Variants in PTPRG observed in about 807,000 individuals in gnomAD.
The protein encoded by PTPRG is receptor-type tyrosine-protein phosphatase gamma.
PTPRG carries 102 observed loss-of-function variants against 165.3 expected under a neutral mutation model. The ratio of observed to expected loss-of-function variants is 0.62; its 90% CI spans 0.53 to 0.73. The LOEUF (loss-of-function observed/expected upper bound fraction) is 0.73. PTPRG is among the 30% of genes least tolerant of loss of function. The pLI, the probability that PTPRG is intolerant of heterozygous loss-of-function variation, is 0.00. For missense variants in PTPRG, 1,866 were observed against 1,861.4 expected (o/e 1.00, Z -0.05); for synonymous variants, 675 against 669.5 (o/e 1.01, Z -0.13).
At chr3:62,005,228 A>T (rs951661832) in intron 4 of PTPRG, among the ~76,000 whole-genome samples, 2 of 152,172 alleles carry the variant, frequency 1.3e-5, no homozygotes, top group Non-Finnish European at 2.9e-5. Context: ...CACAATAACG[A>T]TATCTTTCAT....
intron 1 of PTPRG, among the ~76,000 whole-genome samples, chr3:61,595,385 T>C (rs1259680043): frequency 6.6e-6 from 1 of 152,226 alleles, no homozygotes; most frequent in Admixed American, 6.5e-5. Context: ...CTGGGGACTC[T>C]AAGATGTCTC....
intron 1 of PTPRG, among the ~76,000 whole-genome samples, chr3:61,628,298 T>G (rs1701669149): frequency 6.6e-6 from 1 of 152,108 alleles, no homozygotes; most frequent in Admixed American, 6.6e-5. Flanking sequence ...TGTCAACTTC[T>G]TATCTATTTT....
intron 4 of PTPRG, among the ~76,000 whole-genome samples, chr3:62,057,541 G>A (rs17065829): frequency 1.3e-5 from 2 of 152,092 alleles, no homozygotes; most frequent in Admixed American, 6.5e-5. Context: ...CCAGTAATGT[G>A]GTTGTGTACA....
intron 1 of PTPRG, among the ~76,000 whole-genome samples, chr3:61,604,197 AC>A (rs1225341204): frequency 9.9e-5 from 15 of 152,130 alleles, no homozygotes; most frequent in Admixed American, 9.8e-4. Flanking sequence ...AGTGGTGGGC[AC>A]CTGTATTCCC....
intron 1 of PTPRG, among the ~76,000 whole-genome samples, chr3:61,738,149 C>T (rs1342116285): frequency 2.7e-5 from 4 of 149,406 alleles, no homozygotes; most frequent in Non-Finnish European, 4.4e-5. Flanking sequence ...CCACCCGCCT[C>T]GGCCTCCCAA....
intron 1 of PTPRG, among the ~76,000 whole-genome samples, chr3:61,631,313 T>C (rs988889604): frequency 5.9e-5 from 9 of 152,346 alleles, no homozygotes; most frequent in African/African-American, 1.9e-4. Context: ...TTGCTTTCTG[T>C]GGTTTCAGTT....
At chr3:61,645,321 C>T (rs538898273) in intron 1 of PTPRG, among the ~76,000 whole-genome samples, 1 of 152,326 alleles carries the variant, frequency 6.6e-6, no homozygotes, top group South Asian at 2.1e-4. Flanking sequence ...TGTGTTTGCC[C>T]ACCTGTTGTT....
chr3:62,054,021 C>T (rs777500580), intron 4 of PTPRG, among the ~76,000 whole-genome samples: 1 of 152,168 alleles, frequency 6.6e-6, no homozygotes, highest in Non-Finnish European at 1.5e-5. Context: ...GGAACATGCC[C>T]ATCACTCTGA....
At chr3:61,631,953 G>A (rs1701784173) in intron 1 of PTPRG, among the ~76,000 whole-genome samples, 1 of 152,096 alleles carries the variant, frequency 6.6e-6, no homozygotes. Context: ...CTGGATTGGA[G>A]GCAGTGGGAG....
At chr3:62,249,412 G>A (rs1701360096) in intron 15 of PTPRG, among the ~76,000 whole-genome samples, 1 of 152,078 alleles carries the variant, frequency 6.6e-6, no homozygotes, top group Non-Finnish European at 1.5e-5. Flanking sequence ...GGAGGGAAGG[G>A]GGTGGGTAAG....
Position 62,267,719 on chromosome 3 carries a change from A to T in PTPRG, c.2774A>T (p.Gln925Leu). ...AAAGCAAAAGCCTACATTGCCACCC[A>T]AGGACCTTTGAAGTCTACATTTGAA... ...YNKAKAYIAT[Q>L]GPLKSTFEDF... Residue 925 changes from glutamine to leucine, a missense_variant, in exon 19 of 30, where the codon CAA (glutamine) becomes CTA (leucine). By Grantham distance (113) the Gln-to-Leu change is moderately radical. Transcript: ENST00000474889. 6.2e-7 allele frequency: 1 copy of T among 1,613,516 alleles called. No individual in the cohort carries two copies. Among genetic ancestry groups the T allele is most frequent in the Non-Finnish European group, 8.5e-7 (1 of 1,179,552 alleles).
At chr3:62,209,488 AGTACCCAGCT>A (rs559061370) in intron 12 of PTPRG, among the ~76,000 whole-genome samples, 330 of 152,382 alleles carry the variant, frequency 2.2e-3, no homozygotes, top group Middle Eastern at 0.01. Context: ...TCATGAATGC[AGTACCCAGCT>A]GTCTAGGGAT....
rs1444121461 is a variant in PTPRG, at chr3:62,203,724, G to A, written c.1929G>A (p.Gly643=). Residue 643 remains glycine, a synonymous_variant, in exon 12 of 30, where the codon GGG becomes GGA. Transcript: ENST00000474889. The surrounding 1 kb of genome is among the most constrained non-coding windows in gnomAD (Gnocchi z 6.4). ...TAEGGHQTIP[G]HEQDHTAVPT... ...AGGGAGGGCATCAGACTATACCTGG[G>A]CATGAGCAGGATCACACTGCCGTCC... The A allele has an allele frequency of 6.3e-7, 1 of 1,591,162 alleles. No homozygotes were observed. Among genetic ancestry groups the A allele is most frequent in the Non-Finnish European group, 8.6e-7 (1 of 1,168,242 alleles).
rs6769960 is a variant in PTPRG, at chr3:61,681,093, A to G, written c.86-67785A>G. On this transcript the variant is annotated intron_variant, in intron 1 of 29. Transcript: ENST00000474889. ...AAAAAAAAAAGAAGAAGAAAGTAAC[A>G]ATGTCCAAACTTCCCTGGAGCCATT... Among the ~76,000 whole-genome samples, 403 of 151,336 alleles carry G rather than the reference A, an allele frequency of 2.7e-3. 2 individuals carry two copies. Among genetic ancestry groups the G allele is most frequent in the African/African-American group, 9.4e-3 (388 of 41,314 alleles).
At chr3:62,269,195 C>T (rs1023032278) in intron 20 of PTPRG, 26 bp downstream of exon 20, 3 of 1,545,372 alleles carry the variant, frequency 1.9e-6, no homozygotes, top group African/African-American at 2.7e-5. Flanking sequence ...GGTAGGCTGC[C>T]AGGGCATCCC....
chr3:62,200,315 G>C lies in PTPRG; in HGVS notation c.1328-1190G>C, dbSNP rs151288527. Among the ~76,000 whole-genome samples the C allele has an allele frequency of 2.6e-3, 390 of 151,840 alleles. 1 individual carries two copies. The highest frequency in any genetic ancestry group is 9.0e-3 in the African/African-American group (371 of 41,368). On this transcript the variant is annotated intron_variant, in intron 10 of 29. Transcript: ENST00000474889. ...GAGACAAAGTCTTGCTGTGTCATCA[G>C]GCTGGAATGCAATGATGCAATCTCT...
intron 1 of PTPRG, among the ~76,000 whole-genome samples, chr3:61,704,989 T>G (rs80069093): frequency 0.024 from 3,725 of 152,248 alleles, 110 homozygotes; most frequent in African/African-American, 0.058. Context: ...GCAGACCTGT[T>G]AAATCATGTT....
Position 62,191,644 on chromosome 3 carries a change from C to G in PTPRG, c.1209C>G (p.Asp403Glu), listed in dbSNP as rs747958982. 1.9e-6 allele frequency: 3 copies of G among 1,613,972 alleles called. No individual in the cohort carries two copies. Among genetic ancestry groups the G allele is most frequent in the Non-Finnish European group, 2.5e-6 (3 of 1,179,894 alleles). ...EKEKTFTKDS[D>E]KDLKATISHV... ...AGAAGACGTTTACAAAGGACAGCGA[C>G]AAAGACTTGGTATGAAGCCCCTCCT... Residue 403 changes from aspartate to glutamate, a missense_variant, in exon 9 of 30, where the codon GAC (aspartate) becomes GAG (glutamate). By Grantham distance (45) the Asp-to-Glu change is conservative (BLOSUM62 2). Transcript: ENST00000474889.
chr3:62,130,513 A>G (rs9883985), intron 5 of PTPRG, among the ~76,000 whole-genome samples: 2 of 152,168 alleles, frequency 1.3e-5, no homozygotes, highest in East Asian at 1.9e-4. Flanking sequence ...TTTCTCACAG[A>G]TATTAGAGTA....
Sources: gnomAD v4.1 joint callset for allele counts (sites outside exome capture counted in the v4.1 genomes callset) on GRCh38, gnomAD v4.1.1 for gene constraint, Gnocchi (gnomAD v3.1) non-coding constraint, MANE v1.5 for transcripts, NCBI Gene and HGNC (gene_info 2026-07-23, HGNC 2026-07-21) for gene names.